The following SH2B3 variants were observed in gnomAD, a reference collection of about 807,000 sequenced individuals.
SH2B3 encodes the protein SH2B adapter protein 3.
Under a neutral mutation model 51.9 loss-of-function variants are expected in SH2B3, and 43 were observed. That is an observed-to-expected ratio of 0.83 (90% CI 0.65 to 1.07). SH2B3 has a LOEUF of 1.07. Among genes scored for constraint, SH2B3 ranks in the 50% least tolerant of loss-of-function variants. The probability of loss-of-function intolerance (pLI) is 0.00; values close to 1 mark genes in which losing one functional copy is unlikely to be tolerated. For synonymous variants in SH2B3, 396 were observed against 376.0 expected, an observed-to-expected ratio of 1.05 and a Z score of -0.62; for missense variants, 952 against 834.3, an observed-to-expected ratio of 1.14 and a Z score of -1.74.
chr12:111,444,904 G>GA (rs1271004322), intron 2 of SH2B3: 1 of 985,026 alleles, frequency 1.0e-6, no homozygotes, highest in Non-Finnish European at 1.2e-6. Context: ...GGCTTGGGTT[G>GA]AGATTGTGGC....
intron 2 of SH2B3, among the ~76,000 whole-genome samples, chr12:111,421,218 C>T (rs2135553575): frequency 6.6e-6 from 1 of 152,178 alleles, no homozygotes; most frequent in Middle Eastern, 3.4e-3. Context: ...TCATGGCTCG[C>T]TGTAGCCTCA....
chr12:111,427,031 C>T (rs1872059058), intron 2 of SH2B3, among the ~76,000 whole-genome samples: 1 of 152,124 alleles, frequency 6.6e-6, no homozygotes, highest in Non-Finnish European at 1.5e-5. Flanking sequence ...CACTGGTTGC[C>T]ACATTTACAA....
intron 2 of SH2B3, among the ~76,000 whole-genome samples, chr12:111,439,758 T>C (rs995561840): frequency 1.3e-5 from 2 of 152,226 alleles, no homozygotes; most frequent in African/African-American, 4.8e-5. Context: ...TAGCTAATTC[T>C]GGACAGACTT....
intron 2 of SH2B3, among the ~76,000 whole-genome samples, chr12:111,436,933 A>G (rs1486607732): frequency 6.6e-6 from 1 of 151,388 alleles, no homozygotes; most frequent in Non-Finnish European, 1.5e-5. Flanking sequence ...TACACGGGAA[A>G]AGCAGGCTGG....
intron 2 of SH2B3, among the ~76,000 whole-genome samples, chr12:111,442,300 CAGTT>C (rs1410769928): frequency 2.0e-5 from 3 of 152,142 alleles, no homozygotes; most frequent in African/African-American, 7.2e-5. Context: ...ACTGAACCTC[CAGTT>C]AGTGTCCTGC....
chr12:111,428,558 T>G (rs915786631), intron 2 of SH2B3, among the ~76,000 whole-genome samples: 4 of 152,110 alleles, frequency 2.6e-5, no homozygotes, highest in Admixed American at 2.0e-4. Context: ...CCCACCCTTC[T>G]GGCAGGAGAC....
rs113233437 is a variant in SH2B3, at chr12:111,426,652, G to A, written c.732+7775G>A. ...TTCTAGTCTTCTTTAGTTCAAGTAC[G>A]TAGCATGCCACAGCACCTTTCTTTG... On this transcript the variant is annotated intron_variant, in intron 2 of 7. Transcript: ENST00000341259. Among the ~76,000 whole-genome samples the A allele has an allele frequency of 8.1e-4, 123 of 152,280 alleles. 1 individual carries two copies. Among genetic ancestry groups the A allele is most frequent in the African/African-American group, 2.7e-3 (111 of 41,558 alleles).
At chr12:111,423,942 G>A (rs1183687222) in intron 2 of SH2B3, among the ~76,000 whole-genome samples, 3 of 152,046 alleles carry the variant, frequency 2.0e-5, no homozygotes, top group East Asian at 3.9e-4. Flanking sequence ...GTGAAACCCC[G>A]TCTCTACTGA....
At chr12:111,404,986 G>C (rs1028147592), upstream of SH2B3, among the ~76,000 whole-genome samples, 8 of 152,060 alleles carry the variant, frequency 5.3e-5, no homozygotes, top group Admixed American at 2.6e-4. Context: ...TTTCCTGTTG[G>C]GGGAGGGGGA....
At position 111,409,866 on chromosome 12, in the gene SH2B3, C is replaced by T. The variant is rs929230455; in HGVS notation, c.-28+3589C>T. On this transcript the variant is annotated intron_variant, in intron 1 of 7. Transcript: ENST00000341259. This position sits in a 1 kb window ranked among gnomAD's most constrained non-coding sequence, Gnocchi z 4.0. ...CCCAGCAGGGGCAGAGGACACTTCC[C>T]CAGGGGAACAGGTCCTCCTGGTGCC... is the stretch of plus-strand genomic sequence containing the variant. Among the ~76,000 whole-genome samples, 1 of 152,234 alleles carries T rather than the reference C, an allele frequency of 6.6e-6. No individual in the cohort carries two copies. Among genetic ancestry groups the T allele is most frequent in the Non-Finnish European group, 1.5e-5 (1 of 68,042 alleles).
chr12:111,412,222 G>A (rs936885507), intron 1 of SH2B3, among the ~76,000 whole-genome samples: 3 of 152,138 alleles, frequency 2.0e-5, no homozygotes, highest in South Asian at 2.1e-4. Flanking sequence ...CTCAATAAAC[G>A]CCACTGCCTG....
Position 111,418,832 on chromosome 12 carries a change from C to T in SH2B3, c.687C>T (p.Gly229=), listed in dbSNP as rs1224528558. Residue 229 remains glycine, a synonymous_variant, in exon 2 of 8, where the codon GGC becomes GGT. Coordinates refer to ENST00000341259, the MANE Select transcript of SH2B3 (RefSeq NM_005475.3). This position sits in a 1 kb window ranked among gnomAD's most constrained non-coding sequence, Gnocchi z 6.7. The part of the protein sequence containing the change: ...RGRLALRRAP[G]PDGPDRVLEL... ...GGCTGGCGCTGCGCCGGGCCCCGGGCCCCGATGGCCCCGACCGCGTGCTGG... is the reference window on the plus strand; with the variant it reads ...GGCTGGCGCTGCGCCGGGCCCCGGGTCCCGATGGCCCCGACCGCGTGCTGG... 7.0e-7 allele frequency: 1 copy of T among 1,419,576 alleles called. No individual in the cohort carries two copies. The highest frequency in any genetic ancestry group is 9.1e-7 in the Non-Finnish European group (1 of 1,100,794). The allele number at this position is 1,419,576 out of a possible 1,614,324, so 87.9% of individuals were successfully genotyped here.
upstream of SH2B3, chr12:111,405,798 C>G (rs1025076364): frequency 1.3e-5 from 2 of 152,024 alleles, no homozygotes; most frequent in African/African-American, 4.8e-5. This position sits in a 1 kb window ranked among gnomAD's most constrained non-coding sequence, Gnocchi z 5.4. Context: ...ATGGCCCGCC[C>G]CTCCAGCCGA....
chr12:111,448,985 T>C lies in SH2B3; in HGVS notation c.*683T>C, dbSNP rs1379158641. On this transcript the variant is annotated 3_prime_UTR_variant, in exon 8 of 8. Coordinates refer to ENST00000341259, the MANE Select transcript of SH2B3 (RefSeq NM_005475.3). ...CTATTTTTGTAGTCAGAAACAGCTA[T>C]GCAAACCCTACCTAATTTACAGTCT... 1.3e-5 allele frequency: 2 copies of C among 152,760 alleles called. No homozygotes were observed. The highest frequency in any genetic ancestry group is 4.8e-5 in the African/African-American group (2 of 41,474). 9.5% of individuals were successfully genotyped at this position (152,760 alleles called of 1,614,324 possible).
rs201886863 is a variant in SH2B3 at position 111,418,186 on chromosome 12, C to T, written c.41C>T (p.Ala14Val). 8.9e-5 allele frequency: 139 copies of T among 1,565,058 alleles called. 2 individuals are homozygous for T. The highest frequency in any genetic ancestry group is 4.7e-5 in the South Asian group (4 of 85,352). ...CTGCAGCCCTCCTCGCCCTCTTCCG[C>T]GCCCTCAGCCTCCCCGGCGGCGGCC... ...PALQPSSPSSAPSASPAAAPR... is the reference protein window; with the variant it reads ...PALQPSSPSSVPSASPAAAPR... Residue 14 changes from alanine to valine, a missense_variant, in exon 2 of 8, where the codon GCG becomes GTG. Ala to Val is a moderately conservative substitution (Grantham distance 64). Coordinates refer to ENST00000341259, the MANE Select transcript of SH2B3 (RefSeq NM_005475.3). The surrounding 1 kb of genome is among the most constrained non-coding windows in gnomAD (Gnocchi z 6.7).
intron 1 of SH2B3, among the ~76,000 whole-genome samples, chr12:111,416,530 A>G (rs1871103152): frequency 1.3e-5 from 2 of 150,800 alleles, no homozygotes; most frequent in Non-Finnish European, 3.0e-5. Context: ...GTCTTGCTCT[A>G]TCACCCAGGC....
chr12:111,418,739 G>A lies in SH2B3; in HGVS notation c.594G>A (p.Glu198=), dbSNP rs1871301072. 2 of 1,485,642 alleles carry A rather than the reference G, an allele frequency of 1.3e-6. No individual in the cohort carries two copies. The highest frequency in any genetic ancestry group is 1.8e-6 in the Non-Finnish European group (2 of 1,125,512). The allele number at this position is 1,485,642 out of a possible 1,614,324, so 92.0% of individuals were successfully genotyped here. Residue 198 remains glutamate (E), a synonymous_variant, in exon 2 of 8, where the codon GAG becomes GAA. Transcript: ENST00000341259. This position sits in a 1 kb window ranked among gnomAD's most constrained non-coding sequence, Gnocchi z 6.7. ...AREPPPEALK[E]AVLRYSLADE... ...AGCCGCCACCCGAGGCGCTGAAGGAGGCGGTGCTGCGCTACAGCCTGGCCG... is the reference window on the plus strand; with the variant it reads ...AGCCGCCACCCGAGGCGCTGAAGGAAGCGGTGCTGCGCTACAGCCTGGCCG...
At chr12:111,440,104 G>T (rs899784584) in intron 2 of SH2B3, among the ~76,000 whole-genome samples, 4 of 152,214 alleles carry the variant, frequency 2.6e-5, no homozygotes, top group African/African-American at 9.6e-5. Context: ...GTGGGTTTCA[G>T]ATCCACCCAG....
At chr12:111,414,869 A>T (rs1870967748) in intron 1 of SH2B3, among the ~76,000 whole-genome samples, 7 of 152,190 alleles carry the variant, frequency 4.6e-5, no homozygotes, top group Admixed American at 4.6e-4. Flanking sequence ...GTTCCTTACA[A>T]GGTGGATGCC....
Sources: gnomAD v4.1 joint callset for allele counts (sites outside exome capture counted in the v4.1 genomes callset) on GRCh38, gnomAD v4.1.1 for gene constraint, Gnocchi (gnomAD v3.1) non-coding constraint, MANE v1.5 for transcripts, NCBI Gene and HGNC (gene_info 2026-07-23, HGNC 2026-07-21) for gene names.